OVCH1: variants seen among roughly 807,000 people sequenced by gnomAD.
OVCH1 encodes the protein ovochymase-1.
A neutral mutation model predicts 138.4 loss-of-function variants in OVCH1; 139 were observed. The observed-to-expected ratio is 1.00, with a 90% CI of 0.87 to 1.16. The LOEUF is 1.16. Ranked by LOEUF, OVCH1 falls within the 50% of genes most tolerant of loss-of-function variation. OVCH1 has a pLI of 0.00. For synonymous variants in OVCH1, 453 were observed against 467.8 expected, an observed-to-expected ratio of 0.97 and a Z score of 0.41; for missense variants, 1,367 against 1,357.9, an observed-to-expected ratio of 1.01 and a Z score of -0.11.
At chr12:29,428,368 G>A (rs548622566) in intron 27 of OVCH1, among the ~76,000 whole-genome samples, 8 of 152,082 alleles carry the variant, frequency 5.3e-5, no homozygotes, top group Non-Finnish European at 8.8e-5. Context: ...TCTATTATAG[G>A]TTTTTCTAAC....
chr12:29,473,130 A>T, intron 14 of OVCH1, 27 bp from the exon 15 acceptor site: 1 of 1,514,708 alleles, frequency 6.6e-7, no homozygotes. Flanking sequence ...AATTAATTGA[A>T]AGTAATTAGA....
intron 17 of OVCH1, 119 bp downstream of exon 17, chr12:29,465,028 T>C: frequency 2.4e-6 from 2 of 849,190 alleles, no homozygotes; most frequent in South Asian, 3.8e-5. Context: ...GTATAAATAA[T>C]AAGTGTGAAA....
At chr12:29,477,044 C>A in intron 12 of OVCH1, 58 bp downstream of exon 12, 1 of 1,461,200 alleles carries the variant, frequency 6.8e-7, no homozygotes, top group Non-Finnish European at 9.1e-7. Context: ...GAATTAAGTT[C>A]TGCCTAACTA....
intron 25 of OVCH1, chr12:29,439,484 GCAAAAAA>G (rs1271243179): frequency 4.6e-5 from 63 of 1,382,460 alleles, no homozygotes; most frequent in Non-Finnish European, 5.4e-5. Flanking sequence ...AAAACAAAAA[GCAAAAAA>G]CAAAAAACAA....
At chr12:29,413,753 G>A (rs2135872944) in intron 3 of OVCH1, among the ~76,000 whole-genome samples, 1 of 152,044 alleles carries the variant, frequency 6.6e-6, no homozygotes, top group African/African-American at 2.4e-5. Context: ...TAATGCTTCA[G>A]CCTATCTGCT....
intron 26 of OVCH1, among the ~76,000 whole-genome samples, chr12:29,436,944 G>A (rs575908303): frequency 3.0e-4 from 45 of 152,254 alleles, no homozygotes; most frequent in South Asian, 1.2e-3. Flanking sequence ...TGCTGGCCCC[G>A]GTGGCCAGCT....
downstream of OVCH1, chr12:29,423,184 C>T (rs964239789): frequency 8.8e-6 from 4 of 454,094 alleles, no homozygotes; most frequent in African/African-American, 8.0e-5. Flanking sequence ...TGAATCATCT[C>T]TTCTAAAATA....
At chr12:29,446,182 T>C (rs1941609377) in intron 22 of OVCH1, among the ~76,000 whole-genome samples, 1 of 152,078 alleles carries the variant, frequency 6.6e-6, no homozygotes, top group East Asian at 1.9e-4. Flanking sequence ...AAAATTTTAT[T>C]TTTTTCACTA....
At chr12:29,495,393 C>G in exon 4 of OVCH1, 1 of 1,613,356 alleles carries the variant, frequency 6.2e-7, no homozygotes, top group Non-Finnish European at 8.5e-7. Flanking sequence ...ATATTCTGTT[C>G]TTGCTTATCC....
At chr12:29,411,228 T>C (rs1940950991), downstream of OVCH1, among the ~76,000 whole-genome samples, 1 of 129,070 alleles carries the variant, frequency 7.7e-6, no homozygotes, top group Admixed American at 9.3e-5. Context: ...TCAAAGTTTT[T>C]AACTTCTTTG....
rs183125742 is a variant in OVCH1, at chr12:29,433,297, G to A, written c.3327+454C>T. ...GGTGGGCTTTTCCCATGTTGTTCTCGTGATTATGAATAAGTCTCACAAGAT... is the reference window on the plus strand; with the variant it reads ...GGTGGGCTTTTCCCATGTTGTTCTCATGATTATGAATAAGTCTCACAAGAT... On this transcript the variant is annotated intron_variant, in intron 27 of 27. Transcript: ENST00000318184. Among the ~76,000 whole-genome samples, 284 of 152,182 alleles carry A rather than the reference G, an allele frequency of 1.9e-3. 1 individual carries two copies. Among genetic ancestry groups the A allele is most frequent in the Non-Finnish European group, 3.3e-3 (227 of 68,014 alleles).
chr12:29,461,158 G>A (rs944870974), intron 19 of OVCH1, among the ~76,000 whole-genome samples: 1 of 152,128 alleles, frequency 6.6e-6, no homozygotes, highest in Non-Finnish European at 1.5e-5. Flanking sequence ...TGATAAGTCT[G>A]GAGAATTTGG....
At chr12:29,416,083 AAAAAAGG>A (rs1056420863) in intron 3 of OVCH1, among the ~76,000 whole-genome samples, 8 of 151,840 alleles carry the variant, frequency 5.3e-5, no homozygotes, top group African/African-American at 1.9e-4. Context: ...AAAAGCAAAA[AAAAAAGG>A]AAAAAGGAAA....
At chr12:29,475,960 C>T (rs1397743257) in intron 13 of OVCH1, among the ~76,000 whole-genome samples, 1 of 152,212 alleles carries the variant, frequency 6.6e-6, no homozygotes, top group Non-Finnish European at 1.5e-5. Context: ...TCTCTGGCGA[C>T]TGCCTTTTCA....
At chr12:29,431,097 T>C (rs1279509291) in intron 27 of OVCH1, among the ~76,000 whole-genome samples, 1 of 152,180 alleles carries the variant, frequency 6.6e-6, no homozygotes, top group Non-Finnish European at 1.5e-5. Flanking sequence ...AAGCAATGCA[T>C]ATATGCTCAT....
rs562229526 is a variant in OVCH1, at chr12:29,476,067, AGTT to A, written c.1471+136_1471+138del. ...GCTGGCTCATAGGTTTTAAAGCTAAAGTTGTATGGCATTCTGAGTTTCCAAAGC... is the reference window on the plus strand; with the variant it reads ...GCTGGCTCATAGGTTTTAAAGCTAAAGTATGGCATTCTGAGTTTCCAAAGC... On this transcript the variant is annotated intron_variant, in intron 13 of 27. Transcript: ENST00000318184. 412 of 701,748 alleles carry A rather than the reference AGTT, an allele frequency of 5.9e-4. 1 individual carries two copies. The highest frequency in any genetic ancestry group is 9.3e-4 in the Non-Finnish European group (369 of 396,734). The allele number at this position is 701,748 out of a possible 1,614,324, so 43.5% of individuals were successfully genotyped here.
chr12:29,416,223 G>A (rs1941029483), intron 3 of OVCH1, among the ~76,000 whole-genome samples: 1 of 151,972 alleles, frequency 6.6e-6, no homozygotes, highest in Admixed American at 6.5e-5. Flanking sequence ...GAACTTTTAG[G>A]AAGAGCAAAG....
At chr12:29,481,224 G>T (rs1942921310) in intron 8 of OVCH1, among the ~76,000 whole-genome samples, 1 of 152,158 alleles carries the variant, frequency 6.6e-6, no homozygotes, top group East Asian at 1.9e-4. Context: ...ATGTGGGTGG[G>T]TTTACACTTT....
At chr12:29,423,860 TG>T (rs1941140172), downstream of OVCH1, among the ~76,000 whole-genome samples, 1 of 152,174 alleles carries the variant, frequency 6.6e-6, no homozygotes, top group Non-Finnish European at 1.5e-5. Flanking sequence ...TCTGGTGGAA[TG>T]GAAGTGATGG....
Sources: allele counts gnomAD v4.1 joint callset (sites outside exome capture counted in the v4.1 genomes callset), GRCh38; gene constraint gnomAD v4.1.1; transcripts MANE v1.5; gene names NCBI Gene and HGNC (gene_info 2026-07-23, HGNC 2026-07-21).